Variants in DNM1 observed in about 807,000 individuals in gnomAD.
The protein encoded by DNM1 is dynamin 1, also known as dynamin-1.
A neutral mutation model predicts 104.6 loss-of-function variants in DNM1; 29 were observed. The observed-to-expected ratio is 0.28, with a 90% CI of 0.21 to 0.38. The LOEUF (loss-of-function observed/expected upper bound fraction) is 0.38, where lower values mean the gene tolerates loss of function less well. Among genes scored for constraint, DNM1 ranks in the 10% least tolerant of loss-of-function variants. The pLI is 1.00. For synonymous variants in DNM1, 445 were observed against 475.8 expected, an observed-to-expected ratio of 0.94 and a Z score of 0.84; for missense variants, 640 against 1,189.4, an observed-to-expected ratio of 0.54 and a Z score of 6.79.
intron 10 of DNM1, among the ~76,000 whole-genome samples, chr9:128,227,244 C>T (rs531699758): frequency 6.6e-6 from 1 of 151,834 alleles, no homozygotes; most frequent in South Asian, 2.1e-4. Context: ...GAACCCCTGA[C>T]CGGAGGTGAT....
chr9:128,214,778 G>A (rs1421943751), intron 1 of DNM1, among the ~76,000 whole-genome samples: 1 of 152,250 alleles, frequency 6.6e-6, no homozygotes, highest in Non-Finnish European at 1.5e-5. Flanking sequence ...GAACTGGCAT[G>A]CCAGCAGCCG....
intron 10 of DNM1, chr9:128,232,863 TTCATTCA>T (rs972571177): frequency 3.3e-5 from 5 of 152,862 alleles, no homozygotes; most frequent in African/African-American, 1.2e-4. Flanking sequence ...GCATCCATCC[TTCATTCA>T]TTCCCTCATT....
At position 128,210,040 on chromosome 9, in the gene DNM1, CTGTTTTGTTT is replaced by C. The variant is rs796576189; in HGVS notation, c.161+6423_161+6432del. On this transcript the variant is annotated intron_variant, in intron 1 of 21. Transcript: ENST00000372923. ...AAGTTTTTGTTTTGTTTTGTTTTGTCTGTTTTGTTTTGTTTTGTTTTGTAAGACAGGATCT... is the reference window on the plus strand; with the variant it reads ...AAGTTTTTGTTTTGTTTTGTTTTGTCTGTTTTGTTTTGTAAGACAGGATCT... 3.3e-3 allele frequency among the ~76,000 whole-genome samples: 498 copies of C among 150,740 alleles called. 2 individuals carry two copies. Among genetic ancestry groups the C allele is most frequent in the African/African-American group, 0.012 (478 of 41,380 alleles).
At position 128,215,711 on chromosome 9, in the gene DNM1, G is replaced by A. The variant is rs574327216; in HGVS notation, c.162-2520G>A. On this transcript the variant is annotated intron_variant, in intron 1 of 21. Transcript: ENST00000372923. The stretch of plus-strand genomic sequence containing the variant: ...AGGCTCACCAGGGCTGCGTGGGCCT[G>A]TCTGCTCAAGGAGAGGCCTCTCAGG... Among the ~76,000 whole-genome samples the A allele has an allele frequency of 2.2e-4, 33 of 152,310 alleles. No homozygotes were observed. In the South Asian group the frequency reaches 5.4e-3, roughly 25 times the overall value.
At chr9:128,210,553 G>A (rs992127164) in intron 1 of DNM1, among the ~76,000 whole-genome samples, 2 of 152,000 alleles carry the variant, frequency 1.3e-5, no homozygotes, top group African/African-American at 4.8e-5. Flanking sequence ...AGTAGAGATG[G>A]GGTTTCACCA....
rs373183425 is a variant in DNM1, at chr9:128,207,815, G to A, written c.161+4184G>A. Among the ~76,000 whole-genome samples the A allele has an allele frequency of 4.2e-4, 64 of 152,254 alleles. No homozygotes were observed. In the East Asian group the frequency reaches 7.3e-3, roughly 17 times the overall value. On this transcript the variant is annotated intron_variant, in intron 1 of 21. Transcript: ENST00000372923. Reference sequence around the variant, plus strand: ...ACGCGCTGCTTCTATCCCTGCCTGGGCGTAGACAGGCAAGCCCTCTGGGAT... The same window carrying A: ...ACGCGCTGCTTCTATCCCTGCCTGGACGTAGACAGGCAAGCCCTCTGGGAT...
rs1836568543 is a variant in DNM1, at chr9:128,243,915, T to C, written c.1671+1570T>C. Among the ~76,000 whole-genome samples, 1 of 151,624 alleles carries C rather than the reference T, an allele frequency of 6.6e-6. No individual in the cohort carries two copies. Among genetic ancestry groups the C allele is most frequent in the South Asian group, 2.1e-4 (1 of 4,804 alleles). On this transcript the variant is annotated intron_variant, in intron 15 of 21. Coordinates refer to ENST00000372923, the MANE Select transcript of DNM1 (RefSeq NM_004408.4). This position sits in a 1 kb window ranked among gnomAD's most constrained non-coding sequence, Gnocchi z 4.0. ...GGGGAGATGGGAGTCAGCTGTGGGC[T>C]GTGGGTGCTGGGAGGCGGGGTGTGT...
chr9:128,209,234 G>A (rs558711334), intron 1 of DNM1, among the ~76,000 whole-genome samples: 18 of 152,292 alleles, frequency 1.2e-4, no homozygotes, highest in Admixed American at 1.3e-4. Flanking sequence ...CACAGCCAGA[G>A]GACATCCTCT....
rs148707662 is a variant in DNM1 at position 128,219,897 on chromosome 9, C to T, written c.590-91C>T. ...AGGAGGCAGTGAGCAGGCAGGGGGC[C>T]GAGGAGAGCAGGGGGATGGGAGTGG... On this transcript the variant is annotated intron_variant, in intron 4 of 21. Coordinates refer to ENST00000372923, the MANE Select transcript of DNM1 (RefSeq NM_004408.4). 1,406 of 1,015,356 alleles carry T rather than the reference C, an allele frequency of 1.4e-3. 3 individuals carry two copies. Among genetic ancestry groups the T allele is most frequent in the Middle Eastern group, 2.2e-3 (8 of 3,620 alleles). The allele number at this position is 1,015,356 out of a possible 1,614,324, so 62.9% of individuals were successfully genotyped here. A position where few individuals can be genotyped will look rare whatever the true frequency, so the allele number is the denominator to read the frequency against.
intron 10 of DNM1, among the ~76,000 whole-genome samples, chr9:128,225,059 AC>A (rs1933380465): frequency 6.6e-6 from 1 of 151,986 alleles, no homozygotes; most frequent in South Asian, 2.1e-4. Context: ...GACAGGGAGG[AC>A]GGTGCCCATT....
At chr9:128,232,274 C>A in intron 10 of DNM1, 1 of 333,104 alleles carries the variant, frequency 3.0e-6, no homozygotes, top group Non-Finnish European at 5.9e-6. Context: ...AAATGTCTGC[C>A]CAGACTTGGA....
Position 128,250,158 on chromosome 9 carries a change from C to T in DNM1, c.2120C>T (p.Ser707Leu). The T allele has an allele frequency of 6.2e-7, 1 of 1,614,208 alleles. No homozygotes were observed. The highest frequency in any genetic ancestry group is 8.5e-7 in the Non-Finnish European group (1 of 1,180,034). Reference sequence around the variant, plus strand: ...TCGGAGCTGCTGGCCAACCTGTACTCGTGTGGGGACCAGAACACGCTGATG... The same window carrying T: ...TCGGAGCTGCTGGCCAACCTGTACTTGTGTGGGGACCAGAACACGCTGATG... ...IFSELLANLY[S>L]CGDQNTLMEE... is the part of the protein sequence containing the mutation. The change falls in exon 20 of 22, where the codon TCG becomes TTG. Residue 707 changes from serine to leucine, a missense_variant. By Grantham distance (145) the Ser-to-Leu change is moderately radical. Coordinates refer to ENST00000372923, the MANE Select transcript of DNM1 (RefSeq NM_004408.4).
Position 128,203,567 on chromosome 9 carries a change from C to G in DNM1, c.97C>G (p.Gln33Glu), listed in dbSNP as rs1458807270. ...CCAGAACGCGGACCTCGACCTGCCG[C>G]AGATCGCTGTGGTGGGCGGCCAGAG... ...IGQNADLDLP[Q>E]IAVVGGQSAG... Residue 33 changes from glutamine to glutamate, a missense_variant, in exon 1 of 22, where the codon CAG (glutamine) becomes GAG (glutamate). This residue lies in a region of DNM1 where 172 missense variants were observed against 335.3 expected (regional missense o/e 0.51). Coordinates refer to ENST00000372923, the MANE Select transcript of DNM1 (RefSeq NM_004408.4). This position sits in a 1 kb window ranked among gnomAD's most constrained non-coding sequence, Gnocchi z 5.3. 6.4e-7 allele frequency: 1 copy of G among 1,551,514 alleles called. No homozygotes were observed.
chr9:128,208,744 G>A (rs1001221120), intron 1 of DNM1, among the ~76,000 whole-genome samples: 4 of 152,156 alleles, frequency 2.6e-5, no homozygotes, highest in Non-Finnish European at 4.4e-5. Flanking sequence ...CAAAGAGCAC[G>A]TTTGTCGTGT....
chr9:128,217,260 G>GC (rs1172324497), intron 1 of DNM1, among the ~76,000 whole-genome samples: 1 of 152,186 alleles, frequency 6.6e-6, no homozygotes, highest in African/African-American at 2.4e-5. Flanking sequence ...GGTCTGCTCT[G>GC]CCAGATACTG....
rs577976262 is a variant in DNM1 at position 128,245,053 on chromosome 9, G to A, written c.1672-1341G>A. 4.2e-5 allele frequency: 11 copies of A among 261,766 alleles called. No homozygotes were observed. The highest frequency in any genetic ancestry group is 1.6e-3 in the Middle Eastern group (1 of 636). 16.2% of individuals were successfully genotyped at this position (261,766 alleles called of 1,614,324 possible). ...GCCTGAGGAGGGGGCCGGCCGGCAG[G>A]AAGGGAGGGGTGGGGGGAGGAGGCC... is the stretch of plus-strand genomic sequence containing the variant. On this transcript the variant is annotated intron_variant, in intron 15 of 21. Transcript: ENST00000372923. The surrounding 1 kb of genome is among the most constrained non-coding windows in gnomAD (Gnocchi z 5.2).
chr9:128,231,185 T>C (rs990769817), intron 10 of DNM1, among the ~76,000 whole-genome samples: 1 of 145,126 alleles, frequency 6.9e-6, no homozygotes, highest in Non-Finnish European at 1.5e-5. Context: ...AGGAAACTGA[T>C]ACTTTTGCCT....
At chr9:128,242,964 G>A (rs532945342) in intron 15 of DNM1, among the ~76,000 whole-genome samples, 1 of 152,262 alleles carries the variant, frequency 6.6e-6, no homozygotes, top group African/African-American at 2.4e-5. Flanking sequence ...CAGCCTTCCT[G>A]TTTTCCCGCT....
chr9:128,249,142 G>A (rs945619836), intron 19 of DNM1, among the ~76,000 whole-genome samples: 2 of 150,046 alleles, frequency 1.3e-5, no homozygotes, highest in South Asian at 2.1e-4. Flanking sequence ...GCAGTGAACC[G>A]AGATCCTGCC....
Sources: allele counts gnomAD v4.1 joint callset (sites outside exome capture counted in the v4.1 genomes callset), GRCh38; gene constraint gnomAD v4.1.1; regional missense constraint gnomAD v4.1.1; non-coding constraint Gnocchi (gnomAD v3.1); transcripts MANE v1.5; gene names NCBI Gene and HGNC (gene_info 2026-07-23, HGNC 2026-07-21).